The following FOXN2 variants were observed in gnomAD, a reference collection of about 807,000 sequenced individuals.
The protein encoded by FOXN2 is forkhead box N2, also known as forkhead box protein N2.
Under a neutral mutation model 41.2 loss-of-function variants are expected in FOXN2, and 19 were observed. The observed-to-expected ratio is 0.46, with a 90% confidence interval of 0.32 to 0.68. FOXN2 has a LOEUF of 0.68. FOXN2 is among the 30% of genes least tolerant of loss of function. The pLI, the probability that FOXN2 is intolerant of heterozygous loss-of-function variation, is 0.03. For missense variants in FOXN2, 587 were observed against 509.4 expected (o/e 1.15, Z -1.47); for synonymous variants, 195 against 176.8 (o/e 1.10, Z -0.82).
chr2:48,349,160 ACT>A (rs1304829267), intron 3 of FOXN2, among the ~76,000 whole-genome samples: 2 of 152,018 alleles, frequency 1.3e-5, no homozygotes, highest in African/African-American at 2.4e-5. Flanking sequence ...ATAGAGGGAG[ACT>A]CTGTCTCACA....
At chr2:48,368,284 C>G (rs1282974171) in intron 5 of FOXN2, among the ~76,000 whole-genome samples, 1 of 152,130 alleles carries the variant, frequency 6.6e-6, no homozygotes, top group Non-Finnish European at 1.5e-5. Flanking sequence ...AACAGAGCCA[C>G]CTTTAAAATA....
chr2:48,370,014 G>GA (rs374910444), intron 5 of FOXN2, among the ~76,000 whole-genome samples: 1,710 of 141,020 alleles, frequency 0.012, 21 homozygotes, highest in African/African-American at 0.04. Flanking sequence ...AAAAAGAAAA[G>GA]AAAAAAAAAA....
intron 2 of FOXN2, among the ~76,000 whole-genome samples, chr2:48,342,040 G>A (rs1299723791): frequency 6.6e-6 from 1 of 152,096 alleles, no homozygotes; most frequent in Non-Finnish European, 1.5e-5. Context: ...TAAAAATAAT[G>A]TAGTACAGCC....
At chr2:48,353,181 T>C (rs1300457569) in intron 3 of FOXN2, among the ~76,000 whole-genome samples, 1 of 152,132 alleles carries the variant, frequency 6.6e-6, no homozygotes, top group African/African-American at 2.4e-5. Flanking sequence ...GTTAACATGG[T>C]TTTCAAGACC....
intron 5 of FOXN2, among the ~76,000 whole-genome samples, chr2:48,365,663 C>G (rs77310067): frequency 0.075 from 11,393 of 152,228 alleles, 601 homozygotes; most frequent in Non-Finnish European, 0.11. Flanking sequence ...CTGTCTAGTG[C>G]TACCAGCACC....
chr2:48,336,427 A>G (rs1299856060), intron 2 of FOXN2, among the ~76,000 whole-genome samples: 1 of 144,932 alleles, frequency 6.9e-6, no homozygotes, highest in African/African-American at 2.6e-5. Context: ...AAATATATAT[A>G]TATGTATATG....
chr2:48,334,987 T>C (rs1299513506), intron 2 of FOXN2, among the ~76,000 whole-genome samples: 1 of 152,196 alleles, frequency 6.6e-6, no homozygotes, highest in Non-Finnish European at 1.5e-5. Context: ...AAAATGATCC[T>C]GGGCTGTTAC....
intron 3 of FOXN2, among the ~76,000 whole-genome samples, chr2:48,352,055 G>GA (rs1558629833): frequency 1.3e-5 from 2 of 151,768 alleles, no homozygotes; most frequent in East Asian, 3.9e-4. Flanking sequence ...TCAGTTTTGG[G>GA]CTTCAGTTGT....
chr2:48,360,145 A>C (rs1452001852), intron 4 of FOXN2, among the ~76,000 whole-genome samples: 2 of 152,050 alleles, frequency 1.3e-5, no homozygotes, highest in African/African-American at 4.8e-5. Flanking sequence ...TCCTCATTTT[A>C]AGTTAAATCG....
intron 2 of FOXN2, among the ~76,000 whole-genome samples, chr2:48,339,011 A>G (rs1670557854): frequency 6.6e-6 from 1 of 152,210 alleles, no homozygotes; most frequent in Admixed American, 6.5e-5. Flanking sequence ...CCATAAAAAA[A>G]TGGGCACAAG....
At chr2:48,319,089 G>C (rs1483136987) in intron 1 of FOXN2, among the ~76,000 whole-genome samples, 3 of 151,644 alleles carry the variant, frequency 2.0e-5, no homozygotes, top group Non-Finnish European at 4.4e-5. Context: ...ACAGGTGTTA[G>C]AAGAAAATTC....
At chr2:48,337,542 A>G (rs1031268761) in intron 2 of FOXN2, among the ~76,000 whole-genome samples, 2 of 151,716 alleles carry the variant, frequency 1.3e-5, no homozygotes, top group Non-Finnish European at 2.9e-5. Flanking sequence ...CTGATCTCAA[A>G]TGACCCGCCC....
intron 4 of FOXN2, among the ~76,000 whole-genome samples, 153 bp downstream of exon 4, chr2:48,359,300 TG>T (rs1230814796): frequency 6.6e-6 from 1 of 151,960 alleles, no homozygotes; most frequent in Admixed American, 6.6e-5. Flanking sequence ...TTTTTGTTTT[TG>T]TTTTGTTTTG....
chr2:48,379,102 T>A lies in FOXN2; in HGVS notation c.*3659T>A, dbSNP rs1349727149. 6.6e-6 allele frequency: 1 copy of A among 152,620 alleles called. No individual in the cohort carries two copies. The highest frequency in any genetic ancestry group is 2.4e-5 in the African/African-American group (1 of 41,460). 9.5% of individuals were successfully genotyped at this position (152,620 alleles called of 1,614,324 possible). A position where few individuals can be genotyped will look rare whatever the true frequency, so the allele number is the denominator to read the frequency against. ...AAATTGTCCCGGTTTGAGTTATAAC[T>A]GCCAGTAGATGACCAGTCACAAGTG... On this transcript the variant is annotated 3_prime_UTR_variant, in exon 7 of 7. Transcript: ENST00000340553.
intron 5 of FOXN2, among the ~76,000 whole-genome samples, chr2:48,371,940 T>C (rs1164964511): frequency 1.3e-5 from 2 of 152,180 alleles, no homozygotes; most frequent in Admixed American, 1.3e-4. Context: ...GTAGAATCTT[T>C]AGTTTTTTCT....
At chr2:48,323,765 G>C (rs375074350) in intron 1 of FOXN2, among the ~76,000 whole-genome samples, 2 of 152,014 alleles carry the variant, frequency 1.3e-5, no homozygotes, top group African/African-American at 4.8e-5. Flanking sequence ...TTTTGTTGCA[G>C]TTGCTTTTGA....
intron 1 of FOXN2, among the ~76,000 whole-genome samples, chr2:48,321,104 G>A (rs1669285300): frequency 1.3e-5 from 2 of 151,744 alleles, no homozygotes; most frequent in Admixed American, 1.3e-4. Context: ...ACATTTAAAT[G>A]TTCACTACAT....
intron 5 of FOXN2, among the ~76,000 whole-genome samples, chr2:48,367,224 G>A (rs765906559): frequency 6.6e-6 from 1 of 152,118 alleles, no homozygotes; most frequent in Non-Finnish European, 1.5e-5. Flanking sequence ...CAATAGTTTG[G>A]TTTGGTGTGT....
In FOXN2 at chr2:48,375,185, A is replaced by G; in HGVS notation, c.1038A>G (p.Gly346=). ...ACGTGGGAAGTGATGGCAGTGAAGG[A>G]TTTCACAGTGAAGAAGATACAGACG... ...NSHVGSDGSE[G]FHSEEDTDVD... Residue 346 remains glycine (G), a synonymous_variant, in exon 7 of 7, where the codon GGA becomes GGG. Transcript: ENST00000340553. 6.2e-7 allele frequency: 1 copy of G among 1,614,160 alleles called. No individual in the cohort carries two copies. The highest frequency in any genetic ancestry group is 8.5e-7 in the Non-Finnish European group (1 of 1,180,004).
Sources: gnomAD v4.1 joint callset for allele counts (sites outside exome capture counted in the v4.1 genomes callset) on GRCh38, gnomAD v4.1.1 for gene constraint, MANE v1.5 for transcripts, NCBI Gene and HGNC (gene_info 2026-07-23, HGNC 2026-07-21) for gene names.